TSNARE1: variants seen among roughly 807,000 people sequenced by gnomAD.
The protein encoded by TSNARE1 is t-SNARE domain-containing protein 1.
In TSNARE1, 49 loss-of-function variants were observed where a neutral mutation model predicts 62.0. The observed-to-expected ratio is 0.79, with a 90% confidence interval of 0.63 to 1.00. The LOEUF (loss-of-function observed/expected upper bound fraction) is 1.00, where lower values mean the gene tolerates loss of function less well. Among genes scored for constraint, TSNARE1 ranks in the 50% least tolerant of loss-of-function variants. The pLI is 0.00. For synonymous variants in TSNARE1, 328 were observed against 294.4 expected, an observed-to-expected ratio of 1.11 and a Z score of -1.17; for missense variants, 755 against 700.1, an observed-to-expected ratio of 1.08 and a Z score of -0.88.
chr8:142,238,119 C>G (rs993416527), intron 12 of TSNARE1, among the ~76,000 whole-genome samples: 9 of 152,124 alleles, frequency 5.9e-5, no homozygotes, highest in Non-Finnish European at 1.3e-4. Flanking sequence ...CGCCCCCCCT[C>G]CACCCTGCAC....
intron 12 of TSNARE1, among the ~76,000 whole-genome samples, chr8:142,236,515 C>G (rs1163991430): frequency 1.3e-5 from 2 of 151,036 alleles, no homozygotes; most frequent in African/African-American, 4.9e-5. Context: ...AGTTGGCCCC[C>G]CTCCCCTGTT....
rs75213180 is a variant in TSNARE1 at position 142,224,695 on chromosome 8, G to T, written c.*11+4778C>A. Among the ~76,000 whole-genome samples, 1,475 of 151,376 alleles carry T rather than the reference G, an allele frequency of 9.7e-3. 40 individuals are homozygous for T. Among genetic ancestry groups the T allele is most frequent in the East Asian group, 0.073 (371 of 5,080 alleles). ...ATCCTGGCAGAGCTGAGCCCAAGCT[G>T]GGTTGTGGCTGTCAGAGCCAGGGAG... is the stretch of plus-strand genomic sequence containing the variant. On this transcript the variant is annotated intron_variant, in intron 13 of 13. Transcript: ENST00000524325.
intron 12 of TSNARE1, among the ~76,000 whole-genome samples, chr8:142,231,572 A>C (rs4129585): frequency 0.68 from 102,626 of 152,034 alleles, 36,139 homozygotes; most frequent in African/African-American, 0.88. Flanking sequence ...ACTTCAGGAC[A>C]CATGACAGCG....
intron 12 of TSNARE1, among the ~76,000 whole-genome samples, chr8:142,255,059 A>G (rs1452937501): frequency 6.6e-6 from 1 of 152,006 alleles, no homozygotes; most frequent in East Asian, 1.9e-4. Flanking sequence ...CCTGTCCCAT[A>G]ACAGAGAACA....
intron 12 of TSNARE1, among the ~76,000 whole-genome samples, chr8:142,234,912 G>A (rs1033941272): frequency 4.0e-5 from 6 of 150,954 alleles, no homozygotes; most frequent in South Asian, 2.1e-4. Context: ...CTTGTCCCCC[G>A]CAACACCTTC....
intron 12 of TSNARE1, among the ~76,000 whole-genome samples, chr8:142,253,737 A>G (rs1345508991): frequency 1.3e-5 from 2 of 152,222 alleles, no homozygotes; most frequent in Admixed American, 1.3e-4. Context: ...CCAAGTGGCA[A>G]TGGTGACCCC....
chr8:142,329,008 C>T (rs547682818), intron 6 of TSNARE1, among the ~76,000 whole-genome samples: 3 of 152,308 alleles, frequency 2.0e-5, no homozygotes, highest in Non-Finnish European at 2.9e-5. Flanking sequence ...TTTTCCCTGA[C>T]GAAATGATGG....
intron 1 of TSNARE1, among the ~76,000 whole-genome samples, chr8:142,390,290 T>C (rs1428940938): frequency 6.6e-6 from 1 of 151,208 alleles, no homozygotes; most frequent in Non-Finnish European, 1.5e-5. Context: ...CGCTGTACAC[T>C]GCGGGGGACT....
At chr8:142,317,642 C>T (rs958812219) in intron 7 of TSNARE1, among the ~76,000 whole-genome samples, 4 of 152,114 alleles carry the variant, frequency 2.6e-5, no homozygotes, top group Admixed American at 2.6e-4. Flanking sequence ...TGTGGTGGAG[C>T]GGAGGGTGTG....
At chr8:142,274,609 A>G (rs1433014893) in intron 12 of TSNARE1, 172 bp downstream of exon 12, 1 of 985,302 alleles carries the variant, frequency 1.0e-6, no homozygotes, top group Non-Finnish European at 1.2e-6. Flanking sequence ...CAACCCCGCC[A>G]CTCCCAGAGC....
intron 13 of TSNARE1, among the ~76,000 whole-genome samples, chr8:142,213,936 C>T (rs966567179): frequency 2.6e-5 from 4 of 152,086 alleles, no homozygotes; most frequent in Non-Finnish European, 4.4e-5. Flanking sequence ...GCACCCGGTG[C>T]TGTGGGGCTC....
At chr8:142,270,492 A>G in intron 12 of TSNARE1, 1 of 895,502 alleles carries the variant, frequency 1.1e-6, no homozygotes, top group Non-Finnish European at 1.3e-6. Context: ...ATATATATAT[A>G]TATATATATA....
rs536706597 is a variant in TSNARE1, at chr8:142,332,990, G to A, written c.746-1159C>T. Among the ~76,000 whole-genome samples the A allele has an allele frequency of 9.8e-5, 15 of 152,356 alleles. No homozygotes were observed. In the East Asian group the frequency reaches 2.1e-3, roughly 22 times the overall value. Reference sequence around the variant, plus strand: ...CTGTGTGCAAGGAAACTCCAGGCACGCAACACAGTGAATCTCAGAAACACT... The same window carrying A: ...CTGTGTGCAAGGAAACTCCAGGCACACAACACAGTGAATCTCAGAAACACT... On this transcript the variant is annotated intron_variant, in intron 4 of 13. Transcript: ENST00000524325.
intron 10 of TSNARE1, among the ~76,000 whole-genome samples, chr8:142,285,069 G>A (rs138978405): frequency 1.3e-4 from 20 of 152,312 alleles, no homozygotes; most frequent in Non-Finnish European, 2.4e-4. Context: ...TGGACAAAAG[G>A]GTGGATGGGT....
At position 142,221,756 on chromosome 8, in the gene TSNARE1, TTCACTCAC is replaced by T. The variant is rs66702688; in HGVS notation, c.*11+7709_*11+7716del. Among the ~76,000 whole-genome samples the T allele has an allele frequency of 3.0e-3, 76 of 24,962 alleles. 5 individuals carry two copies. Among genetic ancestry groups the T allele is most frequent in the Middle Eastern group, 0.019 (1 of 52 alleles). The allele number at this position is 24,962 out of a possible 152,430, so 16.4% of individuals were successfully genotyped here. A position where few individuals can be genotyped will look rare whatever the true frequency, so the allele number is the denominator to read the frequency against. On this transcript the variant is annotated intron_variant, in intron 13 of 13. Transcript: ENST00000524325. ...ACTCATTCACTCACTCACTCACTCATTCACTCACTCACTCACTCATTCACTCACTCATC... is the reference window on the plus strand; with the variant it reads ...ACTCATTCACTCACTCACTCACTCATTCACTCACTCATTCACTCACTCATC...
chr8:142,256,536 C>T (rs1818586507), intron 12 of TSNARE1, among the ~76,000 whole-genome samples: 1 of 42,118 alleles, frequency 2.4e-5, no homozygotes, highest in Admixed American at 2.0e-4. Context: ...ATCACCATCA[C>T]CATCACCACC....
chr8:142,355,267 G>A (rs1034965466), intron 1 of TSNARE1, among the ~76,000 whole-genome samples: 1 of 152,240 alleles, frequency 6.6e-6, no homozygotes, highest in Non-Finnish European at 1.5e-5. Context: ...CAGGCCCGGG[G>A]TTGGCTCTGC....
At chr8:142,294,904 C>T (rs1824424394) in intron 10 of TSNARE1, among the ~76,000 whole-genome samples, 1 of 152,240 alleles carries the variant, frequency 6.6e-6, no homozygotes, top group African/African-American at 2.4e-5. Flanking sequence ...TCTTCTCCCC[C>T]ATCCAGACAG....
At chr8:142,283,172 C>G (rs1355097410) in intron 11 of TSNARE1, among the ~76,000 whole-genome samples, 3 of 151,148 alleles carry the variant, frequency 2.0e-5, no homozygotes, top group Non-Finnish European at 4.4e-5. Context: ...GGGCCAGTGT[C>G]TGTCAATGAG....
Sources: gnomAD v4.1 joint callset for allele counts (sites outside exome capture counted in the v4.1 genomes callset) on GRCh38, gnomAD v4.1.1 for gene constraint, MANE v1.5 for transcripts, NCBI Gene and HGNC (gene_info 2026-07-23, HGNC 2026-07-21) for gene names.